The following AMD1 variants were observed in gnomAD, a reference collection of about 807,000 sequenced individuals.
The protein encoded by AMD1 is S-adenosylmethionine decarboxylase proenzyme.
A neutral mutation model predicts 40.2 loss-of-function variants in AMD1; 11 were observed. The ratio of observed to expected loss-of-function variants is 0.27; its 90% CI spans 0.17 to 0.45. AMD1 has a LOEUF of 0.45. AMD1 is among the 20% of genes least tolerant of loss of function. The pLI is 1.00. For synonymous variants in AMD1, 121 were observed against 130.8 expected (o/e 0.93, Z 0.51); for missense variants, 257 against 410.2 (o/e 0.63, Z 3.23).
the AMD1 span, among the ~76,000 whole-genome samples, chr6:110,819,396 C>T: frequency 3.3e-5 from 5 of 151,918 alleles, no homozygotes; most frequent in South Asian, 2.1e-4. Flanking sequence ...ATCTGAACCA[C>T]GGAAGAGCAG....
chr6:110,864,815 G>A, the AMD1 span, among the ~76,000 whole-genome samples: 24 of 152,204 alleles, frequency 1.6e-4, no homozygotes, highest in African/African-American at 5.8e-4. Context: ...AACCTGGCTT[G>A]TCACAAATAA....
chr6:110,835,603 C>T, the AMD1 span, among the ~76,000 whole-genome samples: 3 of 152,040 alleles, frequency 2.0e-5, no homozygotes, highest in Admixed American at 6.6e-5. Context: ...CAGTGGTTCA[C>T]GCCTGTAATC....
chr6:110,884,036 G>A (rs1785554373), intron 1 of AMD1, among the ~76,000 whole-genome samples: 1 of 152,214 alleles, frequency 6.6e-6, no homozygotes, highest in Non-Finnish European at 1.5e-5. Flanking sequence ...ATTTTGCATG[G>A]ATCTGACCCT....
At chr6:110,835,759 A>G in the AMD1 span, among the ~76,000 whole-genome samples, 7,805 of 151,898 alleles carry the variant, frequency 0.051, 205 homozygotes, top group Middle Eastern at 0.078. Flanking sequence ...CAGCTACTCA[A>G]GAGGCTGAGG....
the AMD1 span, among the ~76,000 whole-genome samples, chr6:110,867,155 CT>C: frequency 6.5e-4 from 93 of 143,754 alleles, no homozygotes; most frequent in Admixed American, 9.1e-4. Flanking sequence ...TTCTTTTTTT[CT>C]TTTTTTTTTT....
chr6:110,888,700 A>G, intron 2 of AMD1, 157 bp from the exon 3 acceptor site: 2 of 621,246 alleles, frequency 3.2e-6, no homozygotes, highest in Non-Finnish European at 5.3e-6. Flanking sequence ...GATGTTTTGT[A>G]TACTAGAAAA....
At chr6:110,859,216 C>T in the AMD1 span, 1 of 635,430 alleles carries the variant, frequency 1.6e-6, no homozygotes, top group African/African-American at 1.9e-5. Context: ...GTGTTTTCAT[C>T]TTTTTTTTTC....
intron 6 of AMD1, 45 bp downstream of exon 6, chr6:110,892,488 G>A: frequency 1.2e-6 from 2 of 1,600,310 alleles, no homozygotes; most frequent in Non-Finnish European, 8.5e-7. Context: ...TTCTGCGTGG[G>A]GACTAAATTT....
At chr6:110,884,964 A>G (rs1375174603) in intron 1 of AMD1, among the ~76,000 whole-genome samples, 1 of 152,232 alleles carries the variant, frequency 6.6e-6, no homozygotes, top group East Asian at 1.9e-4. Flanking sequence ...CTCTTTAAAA[A>G]TCTGAAATTG....
At chr6:110,820,221 A>ATTCT in the AMD1 span, among the ~76,000 whole-genome samples, 6 of 148,108 alleles carry the variant, frequency 4.1e-5, no homozygotes, top group African/African-American at 7.4e-5. Flanking sequence ...CGCACCCCAA[A>ATTCT]TTCTTTCTTT....
chr6:110,869,750 C>T, the AMD1 span, among the ~76,000 whole-genome samples: 2 of 151,980 alleles, frequency 1.3e-5, no homozygotes, highest in African/African-American at 4.8e-5. Context: ...CTCAGGTGAT[C>T]CACCAGTCTT....
At chr6:110,819,105 C>T in the AMD1 span, among the ~76,000 whole-genome samples, 1 of 152,170 alleles carries the variant, frequency 6.6e-6, no homozygotes, top group Non-Finnish European at 1.5e-5. Flanking sequence ...TGGCTGTAAT[C>T]CCACCACTTT....
chr6:110,881,428 G>C (rs1446027916), intron 1 of AMD1, among the ~76,000 whole-genome samples: 1 of 152,172 alleles, frequency 6.6e-6, no homozygotes, highest in Non-Finnish European at 1.5e-5. Flanking sequence ...TTAGATCAGA[G>C]AGGTGGCATT....
the AMD1 span, among the ~76,000 whole-genome samples, chr6:110,840,648 C>T: frequency 6.8e-6 from 1 of 146,850 alleles, no homozygotes; most frequent in Non-Finnish European, 1.5e-5. Flanking sequence ...CCAGTCCTCT[C>T]GGGTTTTTAT....
the AMD1 span, among the ~76,000 whole-genome samples, chr6:110,856,814 T>G: frequency 6.6e-6 from 1 of 152,182 alleles, no homozygotes; most frequent in Non-Finnish European, 1.5e-5. Context: ...CTAATTTTCC[T>G]TATTCCAAAA....
chr6:110,881,939 C>T (rs1785430669), intron 1 of AMD1, among the ~76,000 whole-genome samples: 1 of 152,074 alleles, frequency 6.6e-6, no homozygotes. Flanking sequence ...TATCTTGCTT[C>T]TCTTGATTCT....
At chr6:110,880,480 G>GT (rs1238391347) in intron 1 of AMD1, among the ~76,000 whole-genome samples, 1 of 152,132 alleles carries the variant, frequency 6.6e-6, no homozygotes, top group Non-Finnish European at 1.5e-5. Flanking sequence ...TCTTCTAGGA[G>GT]TTTTATTCGC....
chr6:110,890,924 G>A (rs1785981449), intron 4 of AMD1: 1 of 152,148 alleles, frequency 6.6e-6, no homozygotes, highest in Non-Finnish European at 1.5e-5. Flanking sequence ...ATAGCTTATT[G>A]CAAATTATGT....
At chr6:110,827,304 GT>G in the AMD1 span, among the ~76,000 whole-genome samples, 1 of 144,220 alleles carries the variant, frequency 6.9e-6, no homozygotes, top group Non-Finnish European at 1.5e-5. Context: ...TTTTTTTTCA[GT>G]TTTTTTTGTT....
Sources: gnomAD v4.1 joint callset for allele counts (sites outside exome capture counted in the v4.1 genomes callset) on GRCh38, gnomAD v4.1.1 for gene constraint, MANE v1.5 for transcripts, NCBI Gene and HGNC (gene_info 2026-07-23, HGNC 2026-07-21) for gene names.